The following CREB3L3 variants were observed in gnomAD, a reference collection of about 807,000 sequenced individuals.
CREB3L3 encodes the protein cyclic AMP-responsive element-binding protein 3-like protein 3.
CREB3L3 carries 40 observed loss-of-function variants against 44.6 expected under a neutral mutation model. That is an observed-to-expected ratio of 0.90 (90% CI 0.70 to 1.17). CREB3L3 has a LOEUF of 1.17. CREB3L3 is among the 50% of genes most tolerant of loss of function. CREB3L3 has a pLI of 0.00. For missense variants in CREB3L3, 578 were observed against 595.8 expected (o/e 0.97, Z 0.31); for synonymous variants, 273 against 256.3 (o/e 1.06, Z -0.62).
At chr19:4,165,865 G>A (rs967785832) in intron 5 of CREB3L3, among the ~76,000 whole-genome samples, 8 of 151,932 alleles carry the variant, frequency 5.3e-5, no homozygotes, top group Non-Finnish European at 8.8e-5. Flanking sequence ...TGACAAGAGC[G>A]AAACTCTGTC....
Position 4,171,958 on chromosome 19 carries a change from G to A in CREB3L3, c.1375G>A (p.Asp459Asn). 6.3e-7 allele frequency: 1 copy of A among 1,596,790 alleles called. No homozygotes were observed. Among genetic ancestry groups the A allele is most frequent in the Non-Finnish European group, 8.5e-7 (1 of 1,173,682 alleles). Reference protein sequence around the residue: ...SGRAGLEAAGDEL With the variant: ...SGRAGLEAAGNEL ...ACGTGCAGGGCTGGAGGCGGCGGGA[G>A]ACGAGCTGTGAGCCCCGCCAGGACT... Residue 459 changes from aspartate (D) to asparagine (N), a missense_variant, in exon 10 of 10, where the codon GAC becomes AAC. Transcript: ENST00000078445. This position sits in a 1 kb window ranked among gnomAD's most constrained non-coding sequence, Gnocchi z 4.9.
chr19:4,172,239 C>A lies in CREB3L3; in HGVS notation c.*270C>A. ...AAGCAAAGAGCAGACACACATACAG[C>A]CTGAAACAGACCTGGACAGACAGAC... On this transcript the variant is annotated 3_prime_UTR_variant, in exon 10 of 10. Transcript: ENST00000078445. The A allele has an allele frequency of 1.7e-6, 1 of 576,760 alleles. No individual in the cohort carries two copies. Among genetic ancestry groups the A allele is most frequent in the Non-Finnish European group, 3.1e-6 (1 of 324,170 alleles). 35.7% of individuals were successfully genotyped at this position (576,760 alleles called of 1,614,324 possible).
intron 1 of CREB3L3, 133 bp downstream of exon 1, chr19:4,153,907 C>CA: frequency 5.6e-6 from 6 of 1,075,564 alleles, no homozygotes; most frequent in Non-Finnish European, 8.4e-6. Context: ...AGAAAGGATG[C>CA]AATGAGCAAA....
At chr19:4,168,572 C>CCAGAGAGGAGAA in intron 6 of CREB3L3, 115 bp downstream of exon 6, 3 of 768,188 alleles carry the variant, frequency 3.9e-6, no homozygotes, top group Non-Finnish European at 6.6e-6. Flanking sequence ...GGTGATTCTC[C>CCAGAGAGGAGAA]TCTCTGGGAG....
At chr19:4,157,511 G>T (rs534102962) in intron 3 of CREB3L3, among the ~76,000 whole-genome samples, 1 of 152,234 alleles carries the variant, frequency 6.6e-6, no homozygotes, top group Middle Eastern at 3.4e-3. Flanking sequence ...TTTCCAGATC[G>T]TGAAACAGTC....
rs750434606 is a variant in CREB3L3 at position 4,157,206 on chromosome 19, G to C, written c.368G>C (p.Cys123Ser). ...CCTGCCCAGCCTGGCAAGGGGCCCT[G>C]CCTCTCCTATCATCCTGGCAACTCT... ...CHPAQPGKGP[C>S]LSYHPGNSCS... is the part of the protein sequence containing the mutation. The change falls in exon 3 of 10, where the codon TGC becomes TCC. Residue 123 changes from cysteine (C) to serine (S), a missense_variant. By Grantham distance (112) the Cys-to-Ser change is moderately radical (BLOSUM62 -1). Coordinates refer to ENST00000078445, the MANE Select transcript of CREB3L3 (RefSeq NM_032607.3). 32 of 1,613,932 alleles carry C rather than the reference G, an allele frequency of 2.0e-5. 2 individuals carry two copies. The South Asian group carries it at 3.2e-4, about 16-fold the overall frequency.
intron 2 of CREB3L3, among the ~76,000 whole-genome samples, chr19:4,156,230 C>A (rs2041574978): frequency 7.2e-6 from 1 of 139,676 alleles, no homozygotes; most frequent in Non-Finnish European, 1.5e-5. Context: ...TTGTTTTGCC[C>A]AGGCTGGAGT....
chr19:4,167,639 C>T lies in CREB3L3; in HGVS notation c.715-712C>T, dbSNP rs150623748. On this transcript the variant is annotated intron_variant, in intron 5 of 9. Coordinates refer to ENST00000078445, the MANE Select transcript of CREB3L3 (RefSeq NM_032607.3). ...TAATTAGTCTTAAAACACTTGCTGT[C>T]GCCAGGGAAAGGTGATGTTTCCAGG... 3.8e-3 allele frequency among the ~76,000 whole-genome samples: 574 copies of T among 152,178 alleles called. 2 individuals are homozygous for T. Among genetic ancestry groups the T allele is most frequent in the Non-Finnish European group, 6.6e-3 (452 of 68,002 alleles).
At chr19:4,163,996 C>T (rs188825982) in intron 4 of CREB3L3, among the ~76,000 whole-genome samples, 2 of 122,286 alleles carry the variant, frequency 1.6e-5, no homozygotes. Flanking sequence ...TTTTTTGAGA[C>T]GGAGTCTCAT....
chr19:4,171,083 T>C lies in CREB3L3; in HGVS notation c.891-8T>C. ...AGGGCTCAGCGGAGGCCTGCCTGTC[T>C]CTCTAAGGTCCCTCTTGGAGCAACT... On this transcript the variant is annotated splice_region_variant and splice_polypyrimidine_tract_variant and intron_variant, in intron 7 of 9. Coordinates refer to ENST00000078445, the MANE Select transcript of CREB3L3 (RefSeq NM_032607.3). This position sits in a 1 kb window ranked among gnomAD's most constrained non-coding sequence, Gnocchi z 4.9. 6.2e-7 allele frequency: 1 copy of C among 1,612,646 alleles called. No individual in the cohort carries two copies. The highest frequency in any genetic ancestry group is 8.5e-7 in the Non-Finnish European group (1 of 1,178,678).
At chr19:4,163,286 C>T (rs377387149) in intron 4 of CREB3L3, among the ~76,000 whole-genome samples, 118 of 126,614 alleles carry the variant, frequency 9.3e-4, no homozygotes, top group African/African-American at 3.0e-3. Flanking sequence ...CCAGCCTGGG[C>T]GACAGAGCGA....
At chr19:4,154,864 G>T in intron 1 of CREB3L3, 35 bp from the exon 2 acceptor site, 1 of 1,613,284 alleles carries the variant, frequency 6.2e-7, no homozygotes, top group East Asian at 2.2e-5. Context: ...GACAGGGGCT[G>T]TATGTGACCC....
At chr19:4,168,982 G>A (rs1157727299) in intron 6 of CREB3L3, among the ~76,000 whole-genome samples, 7 of 151,992 alleles carry the variant, frequency 4.6e-5, no homozygotes, top group African/African-American at 9.6e-5. Context: ...TGATCTGGCC[G>A]CCTCAGCCTC....
At chr19:4,156,118 TC>T (rs2041571380) in intron 2 of CREB3L3, among the ~76,000 whole-genome samples, 1 of 104,900 alleles carries the variant, frequency 9.5e-6, no homozygotes, top group Non-Finnish European at 2.1e-5. Context: ...TCTCTCTCTC[TC>T]CCCCCCTCTC....
At chr19:4,154,233 G>A (rs764366208) in intron 1 of CREB3L3, among the ~76,000 whole-genome samples, 2 of 151,608 alleles carry the variant, frequency 1.3e-5, no homozygotes, top group African/African-American at 4.8e-5. Context: ...CACCACGCCC[G>A]GCTAATTTTT....
chr19:4,170,118 C>T (rs201150547), intron 6 of CREB3L3, 22 bp from the exon 7 acceptor site: 19 of 1,612,986 alleles, frequency 1.2e-5, no homozygotes, highest in East Asian at 2.2e-5. Context: ...TGCTGAATGT[C>T]GATGCGTCTT....
Position 4,171,981 on chromosome 19 carries a change from A to G in CREB3L3, c.*12A>G. ...GAGACGAGCTGTGAGCCCCGCCAGGACTATGCTCCCAGGCCCCTCTGCCCA... is the reference window on the plus strand; with the variant it reads ...GAGACGAGCTGTGAGCCCCGCCAGGGCTATGCTCCCAGGCCCCTCTGCCCA... On this transcript the variant is annotated 3_prime_UTR_variant, in exon 10 of 10. Transcript: ENST00000078445. This position sits in a 1 kb window ranked among gnomAD's most constrained non-coding sequence, Gnocchi z 4.9. The G allele has an allele frequency of 1.3e-6, 2 of 1,576,854 alleles. No individual in the cohort carries two copies. Among genetic ancestry groups the G allele is most frequent in the Non-Finnish European group, 1.7e-6 (2 of 1,164,816 alleles).
rs111666106 is a variant in CREB3L3, at chr19:4,156,977, C to T, written c.157-18C>T. On this transcript the variant is annotated intron_variant, in intron 2 of 9. Coordinates refer to ENST00000078445, the MANE Select transcript of CREB3L3 (RefSeq NM_032607.3). ...TGAGCACTTCCTAATTCCTACTACC[C>T]CTCCCTGTCCACCCCAGCAGGTCCT... 3 of 1,613,810 alleles carry T rather than the reference C, an allele frequency of 1.9e-6. No homozygotes were observed. The highest frequency in any genetic ancestry group is 2.7e-5 in the African/African-American group (2 of 75,020).
chr19:4,155,166 G>C, intron 2 of CREB3L3, 139 bp downstream of exon 2: 1 of 1,075,318 alleles, frequency 9.3e-7, no homozygotes, highest in Non-Finnish European at 1.4e-6. Context: ...CACGGTGCTT[G>C]ATTTTAGCCA....
Sources: gnomAD v4.1 joint callset for allele counts (sites outside exome capture counted in the v4.1 genomes callset) on GRCh38, gnomAD v4.1.1 for gene constraint, Gnocchi (gnomAD v3.1) non-coding constraint, MANE v1.5 for transcripts, NCBI Gene and HGNC (gene_info 2026-07-23, HGNC 2026-07-21) for gene names.